Variants in IGSF11 observed in about 807,000 individuals in gnomAD.
The protein encoded by IGSF11 is immunoglobulin superfamily member 11.
IGSF11 carries 22 observed loss-of-function variants against 41.0 expected under a neutral mutation model. The observed-to-expected ratio is 0.54, with a 90% CI of 0.38 to 0.77. IGSF11 has a LOEUF of 0.77. Among genes scored for constraint, IGSF11 ranks in the 30% least tolerant of loss-of-function variants. IGSF11 has a pLI of 0.00. For synonymous variants in IGSF11, 219 were observed against 201.3 expected (o/e 1.09, Z -0.74); for missense variants, 444 against 530.8 (o/e 0.84, Z 1.61).
exon 1 of IGSF11, chr3:119,105,195 A>ATTC (rs112783701): frequency 0.044 from 71,172 of 1,600,608 alleles, 4,440 homozygotes; most frequent in African/African-American, 0.23. Flanking sequence ...AGAGACATTT[A>ATTC]TTCTTCTTGC....
chr3:119,005,558 T>A (rs1937412307), intron 1 of IGSF11, among the ~76,000 whole-genome samples: 1 of 133,818 alleles, frequency 7.5e-6, no homozygotes, highest in Admixed American at 7.3e-5. Flanking sequence ...CTTCCTAGTC[T>A]CGATGGTCTT....
rs1333250944 is a variant in IGSF11, at chr3:118,935,469, G to T, written c.53-5194C>A. 2.7e-5 allele frequency among the ~76,000 whole-genome samples: 4 copies of T among 149,106 alleles called. 1 individual carries two copies. Among genetic ancestry groups the T allele is most frequent in the Non-Finnish European group, 3.0e-5 (2 of 67,284 alleles). The stretch of plus-strand genomic sequence containing the variant: ...GTGTGTGTACATATATATATCAGAT[G>T]CCAAAAGAGACTTTTAAGACAAACT... On this transcript the variant is annotated intron_variant, in intron 1 of 6. Transcript: ENST00000393775.
intron 1 of IGSF11, among the ~76,000 whole-genome samples, chr3:119,086,545 C>T (rs2076678292): frequency 6.6e-6 from 1 of 151,960 alleles, no homozygotes; most frequent in African/African-American, 2.4e-5. Context: ...ACAAGGGGAA[C>T]CCCATCAGAT....
At chr3:118,916,125 A>G (rs1941054268) in intron 4 of IGSF11, among the ~76,000 whole-genome samples, 1 of 150,946 alleles carries the variant, frequency 6.6e-6, no homozygotes. Context: ...ATGGAAAGGA[A>G]CAACCGGTAG....
At chr3:119,039,023 C>T (rs251448), upstream of IGSF11, among the ~76,000 whole-genome samples, 96,377 of 151,976 alleles carry the variant, frequency 0.63, 30,689 homozygotes, top group South Asian at 0.76. Flanking sequence ...ATCTACAGTC[C>T]ATTCTCAACA....
intron 1 of IGSF11, among the ~76,000 whole-genome samples, chr3:118,986,082 C>T (rs764909787): frequency 1.1e-4 from 16 of 152,204 alleles, no homozygotes; most frequent in Non-Finnish European, 2.2e-4. Context: ...ACTTGTTAGG[C>T]AACTTCATAC....
chr3:119,003,166 T>C (rs546984696), intron 1 of IGSF11, among the ~76,000 whole-genome samples: 49 of 146,104 alleles, frequency 3.4e-4, no homozygotes, highest in African/African-American at 1.1e-3. Flanking sequence ...TGGTTTGTAG[T>C]TCTCCTCAAA....
chr3:119,005,835 T>TG lies in IGSF11; in HGVS notation c.52+28695dup, dbSNP rs1369422722. 2.9e-3 allele frequency among the ~76,000 whole-genome samples: 347 copies of TG among 120,582 alleles called. 8 individuals are homozygous for TG. The highest frequency in any genetic ancestry group is 1.0e-2 in the South Asian group (35 of 3,504). 79.1% of individuals were successfully genotyped at this position (120,582 alleles called of 152,430 possible). A position where few individuals can be genotyped will look rare whatever the true frequency, so the allele number is the denominator to read the frequency against. Reference sequence around the variant, plus strand: ...GTAGGGTTTCTGCCGAGAGATCCGCTGTTAGTCTGATGGGCTTCCCTTTGA... The same window carrying TG: ...GTAGGGTTTCTGCCGAGAGATCCGCTGGTTAGTCTGATGGGCTTCCCTTTGA... On this transcript the variant is annotated intron_variant, in intron 1 of 6. Transcript: ENST00000393775.
At chr3:118,976,018 T>C (rs1256902349) in intron 1 of IGSF11, among the ~76,000 whole-genome samples, 2 of 152,082 alleles carry the variant, frequency 1.3e-5, no homozygotes, top group East Asian at 1.9e-4. Flanking sequence ...AATCTAAAAG[T>C]TGAAATTAAT....
At chr3:118,922,696 C>A (rs1187666786) in intron 4 of IGSF11, among the ~76,000 whole-genome samples, 1 of 152,064 alleles carries the variant, frequency 6.6e-6, no homozygotes, top group Non-Finnish European at 1.5e-5. Context: ...ACACCATCAA[C>A]TGGGTATTTT....
At chr3:118,921,762 A>G (rs28440859) in intron 4 of IGSF11, among the ~76,000 whole-genome samples, 4,376 of 152,220 alleles carry the variant, frequency 0.029, 221 homozygotes, top group African/African-American at 0.1. Context: ...CTTGATGGTG[A>G]TATGTATAAC....
Position 118,930,288 on chromosome 3 carries a change from G to C in IGSF11, c.53-13C>G. 6.2e-7 allele frequency: 1 copy of C among 1,605,738 alleles called. No individual in the cohort carries two copies. Among genetic ancestry groups the C allele is most frequent in the Non-Finnish European group, 8.5e-7 (1 of 1,176,364 alleles). ...GATGCTGCAACACCTACAGAAGAAGGAACAGGGAGGTTATATGCTCGCCCT... is the reference window on the plus strand; with the variant it reads ...GATGCTGCAACACCTACAGAAGAAGCAACAGGGAGGTTATATGCTCGCCCT... On this transcript the variant is annotated splice_polypyrimidine_tract_variant and intron_variant, in intron 1 of 6. Transcript: ENST00000393775.
At chr3:119,065,514 G>A (rs1038998874) in intron 1 of IGSF11, among the ~76,000 whole-genome samples, 18 of 152,036 alleles carry the variant, frequency 1.2e-4, no homozygotes, top group African/African-American at 3.6e-4. Context: ...GGAAGCAGGC[G>A]GGGGGCAGTG....
At chr3:119,083,309 T>C (rs920838003) in intron 1 of IGSF11, among the ~76,000 whole-genome samples, 4 of 151,778 alleles carry the variant, frequency 2.6e-5, no homozygotes, top group African/African-American at 9.7e-5. Context: ...TTAGTAGCAA[T>C]AGGGTTTTGC....
At chr3:119,110,548 T>C (rs973964728) in intron 1 of IGSF11, among the ~76,000 whole-genome samples, 37 of 152,370 alleles carry the variant, frequency 2.4e-4, no homozygotes, top group African/African-American at 8.4e-4. Context: ...TTATCCAATT[T>C]GCCAGTCTGT....
chr3:119,050,912 C>T (rs13099281), intron 1 of IGSF11, among the ~76,000 whole-genome samples: 30,353 of 149,722 alleles, frequency 0.2, 3,252 homozygotes, highest in Non-Finnish European at 0.24. Flanking sequence ...AACCAAACAC[C>T]GCATATTCTC....
intron 1 of IGSF11, among the ~76,000 whole-genome samples, chr3:119,048,599 A>C (rs1174193110): frequency 1.3e-5 from 2 of 152,104 alleles, no homozygotes; most frequent in Non-Finnish European, 2.9e-5. Flanking sequence ...TCCTTCTGAA[A>C]CTATTCCAAT....
chr3:118,932,985 G>A (rs1271649890), intron 1 of IGSF11, among the ~76,000 whole-genome samples: 1 of 152,230 alleles, frequency 6.6e-6, no homozygotes, highest in African/African-American at 2.4e-5. Flanking sequence ...GCAACAGGGT[G>A]AGCAGAGGAC....
In IGSF11 at chr3:119,058,294, C is replaced by T. The variant is rs1174008732; in HGVS notation, c.49+46850G>A. 2.0e-5 allele frequency among the ~76,000 whole-genome samples: 3 copies of T among 152,054 alleles called. No individual in the cohort carries two copies. In the East Asian group the frequency reaches 5.8e-4, roughly 29 times the overall value. On this transcript the variant is annotated intron_variant, in intron 1 of 6. Transcript: ENST00000354673. ...ATTTACAAGAAAAAAACAAACAACC[C>T]CATCAAAAAGTGGGCAAAGGATATG...
Sources: gnomAD v4.1 joint callset for allele counts (sites outside exome capture counted in the v4.1 genomes callset) on GRCh38, gnomAD v4.1.1 for gene constraint, MANE v1.5 for transcripts, NCBI Gene and HGNC (gene_info 2026-07-23, HGNC 2026-07-21) for gene names.